KLHL2: variants seen among roughly 807,000 people sequenced by gnomAD.
KLHL2 encodes the protein kelch-like protein 2.
A neutral mutation model predicts 75.8 loss-of-function variants in KLHL2; 15 were observed. The observed-to-expected ratio is 0.20, with a 90% confidence interval of 0.13 to 0.30. The LOEUF (loss-of-function observed/expected upper bound fraction) is 0.30, where lower values mean the gene tolerates loss of function less well. KLHL2 is among the 10% of genes least tolerant of loss of function. The pLI is 1.00. For missense variants in KLHL2, 381 were observed against 741.0 expected, an observed-to-expected ratio of 0.51 and a Z score of 5.64; for synonymous variants, 214 against 251.9, an observed-to-expected ratio of 0.85 and a Z score of 1.42.
intron 4 of KLHL2, among the ~76,000 whole-genome samples, chr4:165,246,588 T>A (rs1317947493): frequency 6.6e-6 from 1 of 152,212 alleles, no homozygotes; most frequent in Non-Finnish European, 1.5e-5. Flanking sequence ...TGGAATTTAC[T>A]AATGGATTTG....
chr4:165,247,892 A>G (rs576430927), intron 4 of KLHL2, among the ~76,000 whole-genome samples: 1 of 152,358 alleles, frequency 6.6e-6, no homozygotes, highest in East Asian at 1.9e-4. Flanking sequence ...CATAAATATC[A>G]GGTAGAATGG....
At chr4:165,227,319 C>G (rs9999376) in intron 2 of KLHL2, among the ~76,000 whole-genome samples, 5,423 of 152,186 alleles carry the variant, frequency 0.036, 192 homozygotes, top group East Asian at 0.1. Flanking sequence ...CTGGGGTACT[C>G]TTTTTTTCTT....
chr4:165,278,770 C>T (rs1231676636), intron 5 of KLHL2: 2 of 1,562,572 alleles, frequency 1.3e-6, no homozygotes, highest in Admixed American at 1.7e-5. Context: ...AAAATACACA[C>T]TTATGGCCTG....
intron 5 of KLHL2, chr4:165,278,036 A>T: frequency 6.7e-7 from 1 of 1,503,328 alleles, no homozygotes. Flanking sequence ...CATGCTACTC[A>T]CTATAAAAAA....
At chr4:165,217,198 T>A (rs575257225) in intron 1 of KLHL2, among the ~76,000 whole-genome samples, 40 of 152,334 alleles carry the variant, frequency 2.6e-4, no homozygotes, top group African/African-American at 8.9e-4. Flanking sequence ...GAAGCAAATA[T>A]AGAATAAGTA....
intron 5 of KLHL2, chr4:165,279,456 C>A: frequency 6.3e-7 from 1 of 1,599,798 alleles, no homozygotes; most frequent in Non-Finnish European, 8.6e-7. Flanking sequence ...CACTCATAGA[C>A]AGAATGTAGA....
At chr4:165,302,961 A>G (rs962751904) in intron 8 of KLHL2, among the ~76,000 whole-genome samples, 1 of 152,184 alleles carries the variant, frequency 6.6e-6, no homozygotes, top group Non-Finnish European at 1.5e-5. Context: ...TGTTTCTCAA[A>G]TACCTGTGTC....
At chr4:165,208,764 A>T (rs1737011328) in intron 1 of KLHL2, among the ~76,000 whole-genome samples, 1 of 152,186 alleles carries the variant, frequency 6.6e-6, no homozygotes, top group Admixed American at 6.5e-5. Flanking sequence ...AGGAAGGAAC[A>T]AGAGTCCTTT....
chr4:165,303,114 C>T (rs539249016), intron 8 of KLHL2, among the ~76,000 whole-genome samples: 5 of 152,266 alleles, frequency 3.3e-5, no homozygotes, highest in African/African-American at 1.2e-4. Context: ...TCCTTTATCC[C>T]TGATTCCTGG....
chr4:165,309,325 A>G (rs1376873348), intron 9 of KLHL2, among the ~76,000 whole-genome samples: 1 of 152,210 alleles, frequency 6.6e-6, no homozygotes, highest in African/African-American at 2.4e-5. Flanking sequence ...TTAACTGAGG[A>G]TTCAGAGTTA....
intron 5 of KLHL2, among the ~76,000 whole-genome samples, chr4:165,266,166 T>G (rs1321463711): frequency 6.6e-6 from 1 of 151,772 alleles, no homozygotes; most frequent in Non-Finnish European, 1.5e-5. Flanking sequence ...TTGATGGGGT[T>G]GTTTGTTTTT....
intron 4 of KLHL2, among the ~76,000 whole-genome samples, chr4:165,241,061 A>G (rs1198386422): frequency 6.6e-6 from 1 of 152,228 alleles, no homozygotes; most frequent in Non-Finnish European, 1.5e-5. Flanking sequence ...ATACATTCTA[A>G]GAGTTACATT....
intron 3 of KLHL2, among the ~76,000 whole-genome samples, chr4:165,237,601 A>G (rs934214077): frequency 1.2e-4 from 19 of 152,166 alleles, no homozygotes; most frequent in African/African-American, 4.3e-4. Flanking sequence ...ATGATTTCCC[A>G]TAGACTTTTC....
At position 165,319,384 on chromosome 4, in the gene KLHL2, GAA is replaced by G. The variant is rs1746807988; in HGVS notation, c.1753+1416_1753+1417del. 6.6e-6 allele frequency among the ~76,000 whole-genome samples: 1 copy of G among 152,170 alleles called. No individual in the cohort carries two copies. The highest frequency in any genetic ancestry group is 1.5e-5 in the Non-Finnish European group (1 of 68,024). ...CTAGGAAGTGCTTCAACGAAGCAGAGAAGAGTCATGACATTACAAGAAAAAGC... is the reference window on the plus strand; with the variant it reads ...CTAGGAAGTGCTTCAACGAAGCAGAGGAGTCATGACATTACAAGAAAAAGC... On this transcript the variant is annotated intron_variant, in intron 14 of 14. Coordinates refer to ENST00000226725, the MANE Select transcript of KLHL2 (RefSeq NM_007246.4). The surrounding 1 kb of genome is among the most constrained non-coding windows in gnomAD (Gnocchi z 4.5).
At chr4:165,297,320 C>T (rs973212482) in intron 6 of KLHL2, among the ~76,000 whole-genome samples, 1 of 151,492 alleles carries the variant, frequency 6.6e-6, no homozygotes, top group Admixed American at 6.6e-5. Flanking sequence ...TGTTTGTAAA[C>T]CTGAAGAAAA....
intron 5 of KLHL2, among the ~76,000 whole-genome samples, chr4:165,275,731 C>T (rs922582275): frequency 6.6e-6 from 1 of 152,194 alleles, no homozygotes; most frequent in African/African-American, 2.4e-5. Flanking sequence ...TGAGCTACCA[C>T]ACCCAGCCTG....
At chr4:165,304,763 C>T (rs1292150801) in intron 8 of KLHL2, among the ~76,000 whole-genome samples, 4 of 152,150 alleles carry the variant, frequency 2.6e-5, no homozygotes, top group East Asian at 1.9e-4. Context: ...CATAATTTTT[C>T]GATCATATGT....
rs181245524 is a variant in KLHL2 at position 165,290,426 on chromosome 4, C to T, written c.545-3933C>T. Among the ~76,000 whole-genome samples, 47 of 152,222 alleles carry T rather than the reference C, an allele frequency of 3.1e-4. 1 individual carries two copies. The East Asian group carries it at 7.7e-3, about 25-fold the overall frequency. On this transcript the variant is annotated intron_variant, in intron 5 of 14. Transcript: ENST00000226725. ...CTGGGATTACAGGCGTGAGCCACTGCGCCTGGCCTACTTTGGAACTTTTAA... is the reference window on the plus strand; with the variant it reads ...CTGGGATTACAGGCGTGAGCCACTGTGCCTGGCCTACTTTGGAACTTTTAA...
chr4:165,269,695 T>C (rs1251769632), intron 5 of KLHL2, among the ~76,000 whole-genome samples: 2 of 151,336 alleles, frequency 1.3e-5, no homozygotes, highest in African/African-American at 4.8e-5. Flanking sequence ...GTTAGTCTGA[T>C]GAGCTTCCCT....
Sources: allele counts gnomAD v4.1 joint callset (sites outside exome capture counted in the v4.1 genomes callset), GRCh38; gene constraint gnomAD v4.1.1; non-coding constraint Gnocchi (gnomAD v3.1); transcripts MANE v1.5; gene names NCBI Gene and HGNC (gene_info 2026-07-23, HGNC 2026-07-21).